Variants in PLCL1 observed in about 807,000 individuals in gnomAD.
PLCL1 encodes the protein inactive phospholipase C-like protein 1.
A neutral mutation model predicts 84.4 loss-of-function variants in PLCL1; 41 were observed. The observed-to-expected ratio is 0.49, with a 90% CI of 0.38 to 0.63. The LOEUF (loss-of-function observed/expected upper bound fraction) is 0.63. PLCL1 is among the 30% of genes least tolerant of loss of function. The pLI is 0.00. For synonymous variants in PLCL1, 490 were observed against 488.3 expected (o/e 1.00, Z -0.05); for missense variants, 1,206 against 1,367.8 (o/e 0.88, Z 1.87).
chr2:197,819,295 G>T (rs2106418096), intron 1 of PLCL1, among the ~76,000 whole-genome samples: 1 of 152,230 alleles, frequency 6.6e-6, no homozygotes, highest in Middle Eastern at 3.4e-3. Context: ...ATTCTAGCTT[G>T]CCGTGGGGGC....
chr2:197,968,154 G>A (rs1689785773), intron 1 of PLCL1, among the ~76,000 whole-genome samples: 1 of 152,156 alleles, frequency 6.6e-6, no homozygotes, highest in African/African-American at 2.4e-5. Flanking sequence ...AGAATTTCAA[G>A]GTTCTGAAAT....
chr2:198,050,866 A>G (rs756521617), intron 1 of PLCL1, among the ~76,000 whole-genome samples: 2 of 152,216 alleles, frequency 1.3e-5, no homozygotes, highest in Admixed American at 1.3e-4. Flanking sequence ...AGAGGCATCT[A>G]TGATCCTGGA....
chr2:198,116,804 T>C (rs919587970), intron 5 of PLCL1, among the ~76,000 whole-genome samples: 1 of 151,922 alleles, frequency 6.6e-6, no homozygotes, highest in African/African-American at 2.4e-5. Context: ...TGAAATACAC[T>C]AACCCCTCAT....
chr2:197,912,406 A>G (rs1050215533), intron 1 of PLCL1, among the ~76,000 whole-genome samples: 3 of 151,686 alleles, frequency 2.0e-5, no homozygotes, highest in African/African-American at 7.3e-5. Flanking sequence ...GGGATCTAGA[A>G]CTAGAAATAC....
intron 2 of PLCL1, among the ~76,000 whole-genome samples, chr2:198,087,788 GT>G (rs1692920773): frequency 6.6e-6 from 1 of 152,056 alleles, no homozygotes; most frequent in Admixed American, 6.6e-5. Flanking sequence ...GACTTTTCAT[GT>G]ACCTTATAAA....
At chr2:197,945,110 G>A (rs925480744) in intron 1 of PLCL1, among the ~76,000 whole-genome samples, 7 of 152,118 alleles carry the variant, frequency 4.6e-5, no homozygotes, top group African/African-American at 1.7e-4. Context: ...CTAATTTATA[G>A]CATAAGATCC....
intron 1 of PLCL1, among the ~76,000 whole-genome samples, chr2:197,818,633 A>T (rs1347245545): frequency 3.9e-5 from 6 of 152,126 alleles, no homozygotes; most frequent in Non-Finnish European, 8.8e-5. Context: ...CCTTCTCAGT[A>T]GCTGGGACTA....
intron 1 of PLCL1, among the ~76,000 whole-genome samples, chr2:197,861,301 A>G (rs1687430536): frequency 6.6e-6 from 1 of 152,176 alleles, no homozygotes; most frequent in African/African-American, 2.4e-5. Context: ...AAAGCTTTGG[A>G]TAAGCTTCCA....
intron 1 of PLCL1, among the ~76,000 whole-genome samples, chr2:197,872,442 A>G (rs1464394221): frequency 6.6e-6 from 1 of 152,186 alleles, no homozygotes; most frequent in Non-Finnish European, 1.5e-5. Context: ...AATGCCAACC[A>G]TAAGTTTTAT....
intron 1 of PLCL1, among the ~76,000 whole-genome samples, chr2:197,876,601 A>G (rs1687736613): frequency 6.6e-6 from 1 of 152,016 alleles, no homozygotes; most frequent in Admixed American, 6.6e-5. Flanking sequence ...TCCAGGGTCC[A>G]GTTGCATAAT....
intron 1 of PLCL1, among the ~76,000 whole-genome samples, chr2:197,842,324 G>C (rs1687021256): frequency 1.3e-5 from 2 of 152,042 alleles, no homozygotes; most frequent in Non-Finnish European, 2.9e-5. Context: ...CCATCTCTGG[G>C]AACCCTACTC....
chr2:198,041,026 G>A (rs561236256), intron 1 of PLCL1, among the ~76,000 whole-genome samples: 2 of 152,266 alleles, frequency 1.3e-5, no homozygotes, highest in South Asian at 4.1e-4. Flanking sequence ...GTTGCTCCCA[G>A]TTTGAAATCT....
intron 5 of PLCL1, among the ~76,000 whole-genome samples, chr2:198,122,001 A>G (rs188973108): frequency 3.9e-4 from 60 of 152,142 alleles, no homozygotes; most frequent in Non-Finnish European, 5.9e-4. Context: ...CCCTCAATTC[A>G]TGCTGTGTAC....
intron 1 of PLCL1, among the ~76,000 whole-genome samples, chr2:197,923,304 G>A (rs1393627926): frequency 1.4e-5 from 2 of 146,326 alleles, no homozygotes; most frequent in East Asian, 2.1e-4. Context: ...GGGCGGAGAC[G>A]CTCCTCACTT....
At chr2:197,860,779 G>C (rs1687416917) in intron 1 of PLCL1, among the ~76,000 whole-genome samples, 2 of 152,052 alleles carry the variant, frequency 1.3e-5, no homozygotes, top group Non-Finnish European at 2.9e-5. Context: ...ATCTTTGTTA[G>C]ATGCATAGTT....
chr2:198,010,702 G>A (rs1049643882), intron 1 of PLCL1, among the ~76,000 whole-genome samples: 2 of 151,372 alleles, frequency 1.3e-5, no homozygotes, highest in African/African-American at 4.8e-5. Flanking sequence ...AATTTTTTTG[G>A]CAGAATTTGA....
intron 1 of PLCL1, among the ~76,000 whole-genome samples, chr2:198,010,714 G>A (rs1690848753): frequency 6.6e-6 from 1 of 151,628 alleles, no homozygotes; most frequent in South Asian, 2.1e-4. Context: ...AGAATTTGAG[G>A]AGGATTGGTA....
intron 1 of PLCL1, among the ~76,000 whole-genome samples, chr2:198,068,624 C>A (rs1370238405): frequency 6.6e-6 from 1 of 152,262 alleles, no homozygotes; most frequent in Non-Finnish European, 1.5e-5. Flanking sequence ...ACACCCTACA[C>A]ACAATTCAAA....
chr2:197,875,156 T>G (rs1687712102), intron 1 of PLCL1, among the ~76,000 whole-genome samples: 1 of 151,942 alleles, frequency 6.6e-6, no homozygotes, highest in Non-Finnish European at 1.5e-5. Context: ...TGTGGTGGTG[T>G]GCACCTGTAG....
Sources: gnomAD v4.1 joint callset for allele counts (sites outside exome capture counted in the v4.1 genomes callset) on GRCh38, gnomAD v4.1.1 for gene constraint, MANE v1.5 for transcripts, NCBI Gene and HGNC (gene_info 2026-07-23, HGNC 2026-07-21) for gene names.